SIPA1L2: variants seen among roughly 807,000 people sequenced by gnomAD.
SIPA1L2 encodes the protein signal-induced proliferation-associated 1-like protein 2.
A neutral mutation model predicts 163.9 loss-of-function variants in SIPA1L2; 56 were observed. The ratio of observed to expected loss-of-function variants is 0.34; its 90% CI spans 0.28 to 0.43. SIPA1L2 has a LOEUF of 0.43. SIPA1L2 is among the 20% of genes least tolerant of loss of function. The pLI is 1.00. For synonymous variants in SIPA1L2, 877 were observed against 865.7 expected (o/e 1.01, Z -0.23); for missense variants, 1,974 against 2,193.5 (o/e 0.90, Z 2.00).
rs1321916289 is a variant in SIPA1L2 at position 232,459,045 on chromosome 1, G to A, written c.3095+1842C>T. 2.6e-5 allele frequency among the ~76,000 whole-genome samples: 4 copies of A among 152,120 alleles called. No individual in the cohort carries two copies. In the East Asian group the frequency reaches 7.7e-4, roughly 29 times the overall value. ...ACACTGGGCAAATACAGGAAACAAG[G>A]CCACAGAAAGTGAGGCTGGAGGCAA... On this transcript the variant is annotated intron_variant, in intron 10 of 22. Coordinates refer to ENST00000674635, the MANE Select transcript of SIPA1L2 (RefSeq NM_020808.5).
chr1:232,426,257 C>G (rs1661890316), intron 17 of SIPA1L2, among the ~76,000 whole-genome samples: 1 of 152,114 alleles, frequency 6.6e-6, no homozygotes, highest in African/African-American at 2.4e-5. Flanking sequence ...GAGGTTCAAT[C>G]TAATCTAAAT....
intron 2 of SIPA1L2, among the ~76,000 whole-genome samples, chr1:232,527,046 C>T (rs1427871863): frequency 6.6e-6 from 1 of 152,162 alleles, no homozygotes. Flanking sequence ...AAAGCAATTC[C>T]ACACGGACAG....
chr1:232,520,666 A>T (rs1342573554), intron 2 of SIPA1L2, among the ~76,000 whole-genome samples: 2 of 151,952 alleles, frequency 1.3e-5, no homozygotes, highest in African/African-American at 4.9e-5. Context: ...TTTATAATAC[A>T]AGTATAACTA....
chr1:232,435,728 C>G (rs1040048963), intron 15 of SIPA1L2, among the ~76,000 whole-genome samples: 2 of 151,828 alleles, frequency 1.3e-5, no homozygotes, highest in African/African-American at 4.8e-5. Context: ...GCCCTGCCCT[C>G]GAAGAAAGAA....
chr1:232,619,404 C>T (rs1662680536), intron 1 of SIPA1L2, among the ~76,000 whole-genome samples: 1 of 152,240 alleles, frequency 6.6e-6, no homozygotes, highest in African/African-American at 2.4e-5. Context: ...GCCATCAACT[C>T]TGCCCAAGTT....
intron 12 of SIPA1L2, 147 bp downstream of exon 12, chr1:232,443,455 T>C (rs960495874): frequency 1.2e-5 from 6 of 510,670 alleles, no homozygotes; most frequent in African/African-American, 2.0e-5. Flanking sequence ...CTTTCCAACC[T>C]GGACAAGTCA....
At chr1:232,510,031 G>A (rs1409733230) in intron 3 of SIPA1L2, among the ~76,000 whole-genome samples, 1 of 152,074 alleles carries the variant, frequency 6.6e-6, no homozygotes, top group Non-Finnish European at 1.5e-5. Context: ...CATTTTGTGG[G>A]CTTTGCAAAG....
intron 1 of SIPA1L2, among the ~76,000 whole-genome samples, chr1:232,625,635 G>A (rs1663035560): frequency 6.6e-6 from 1 of 152,148 alleles, no homozygotes; most frequent in Non-Finnish European, 1.5e-5. Flanking sequence ...CACTCCTGCT[G>A]TACTCTACAC....
chr1:232,545,626 A>G (rs758227119), intron 2 of SIPA1L2, among the ~76,000 whole-genome samples: 4 of 152,222 alleles, frequency 2.6e-5, no homozygotes, highest in Non-Finnish European at 4.4e-5. Flanking sequence ...TCTGATAAAC[A>G]TAATTGTTTT....
intron 20 of SIPA1L2, 83 bp from the exon 21 acceptor site, chr1:232,403,654 A>C: frequency 6.7e-7 from 1 of 1,491,452 alleles, no homozygotes; most frequent in South Asian, 1.4e-5. Context: ...GCAATAGCTA[A>C]ATAAAATCTT....
chr1:232,506,120 CT>C (rs1188215872), intron 3 of SIPA1L2, among the ~76,000 whole-genome samples: 1 of 152,142 alleles, frequency 6.6e-6, no homozygotes, highest in Admixed American at 6.5e-5. Context: ...TTCCCCAGCC[CT>C]CTCTGCCATA....
chr1:232,439,334 T>C lies in SIPA1L2; in HGVS notation c.3805A>G (p.Thr1269Ala). ...ATGGTGGCAGGCATGCAGGGGGCCGTGTCGATGCCACTGTCGGTGGAGGCC... is the reference window on the plus strand; with the variant it reads ...ATGGTGGCAGGCATGCAGGGGGCCGCGTCGATGCCACTGTCGGTGGAGGCC... ...KGASTDSGID[T>A]APCMPATILG... The change falls in exon 15 of 23, where the codon ACG (threonine) becomes GCG (alanine). Residue 1269 changes from threonine to alanine, a missense_variant. By Grantham distance (58) the Thr-to-Ala change is moderately conservative. Coordinates refer to ENST00000674635, the MANE Select transcript of SIPA1L2 (RefSeq NM_020808.5). 6.2e-7 allele frequency: 1 copy of C among 1,614,200 alleles called. No homozygotes were observed. The highest frequency in any genetic ancestry group is 8.5e-7 in the Non-Finnish European group (1 of 1,180,032).
At chr1:232,511,827 A>G (rs1666992807) in intron 3 of SIPA1L2, among the ~76,000 whole-genome samples, 1 of 152,272 alleles carries the variant, frequency 6.6e-6, no homozygotes, top group Non-Finnish European at 1.5e-5. Context: ...CAAAGACTTC[A>G]TGACTAAAAC....
chr1:232,491,115 T>G, intron 4 of SIPA1L2, 53 bp from the exon 5 acceptor site: 1 of 1,504,240 alleles, frequency 6.6e-7, no homozygotes. Flanking sequence ...AATTACCTAC[T>G]CACAGCCTAA....
intron 1 of SIPA1L2, among the ~76,000 whole-genome samples, chr1:232,586,086 A>G (rs1660639271): frequency 6.6e-6 from 1 of 152,198 alleles, no homozygotes. Context: ...ACTCAGAAAA[A>G]TCCCTCATGA....
At chr1:232,595,411 G>T (rs563560254) in intron 1 of SIPA1L2, among the ~76,000 whole-genome samples, 1 of 152,260 alleles carries the variant, frequency 6.6e-6, no homozygotes, top group South Asian at 2.1e-4. Context: ...TCTAGCAAAG[G>T]GCGGCCAGAG....
chr1:232,475,186 A>G (rs1664980039), intron 7 of SIPA1L2, among the ~76,000 whole-genome samples: 1 of 152,206 alleles, frequency 6.6e-6, no homozygotes, highest in Non-Finnish European at 1.5e-5. Context: ...CTCCTCTGAC[A>G]TGACTGATCC....
intron 15 of SIPA1L2, among the ~76,000 whole-genome samples, chr1:232,433,991 A>G (rs2102839089): frequency 6.6e-6 from 1 of 152,318 alleles, no homozygotes; most frequent in African/African-American, 2.4e-5. Context: ...AATATTAGTG[A>G]AGCACTTAGA....
intron 18 of SIPA1L2, among the ~76,000 whole-genome samples, chr1:232,417,567 G>A (rs1661333873): frequency 6.6e-6 from 1 of 152,118 alleles, no homozygotes; most frequent in African/African-American, 2.4e-5. Flanking sequence ...CTGTTTCCCA[G>A]GAGCATCCTT....
Sources: allele counts gnomAD v4.1 joint callset (sites outside exome capture counted in the v4.1 genomes callset), GRCh38; gene constraint gnomAD v4.1.1; transcripts MANE v1.5; gene names NCBI Gene and HGNC (gene_info 2026-07-23, HGNC 2026-07-21).